The following MAPKAP1 variants were observed in gnomAD, a reference collection of about 807,000 sequenced individuals.
MAPKAP1 encodes target of rapamycin complex 2 subunit MAPKAP1.
MAPKAP1 carries 20 observed loss-of-function variants against 65.7 expected under a neutral mutation model. The observed-to-expected ratio is 0.30, with a 90% CI of 0.21 to 0.44. MAPKAP1 has a LOEUF of 0.44. Ranked by LOEUF, MAPKAP1 falls within the 20% of genes least tolerant of loss-of-function variation. The pLI is 1.00. For missense variants in MAPKAP1, 423 were observed against 648.0 expected, an observed-to-expected ratio of 0.65 and a Z score of 3.77; for synonymous variants, 222 against 244.3, an observed-to-expected ratio of 0.91 and a Z score of 0.85.
chr9:125,544,872 T>C (rs552192), intron 6 of MAPKAP1, among the ~76,000 whole-genome samples: 136,702 of 152,254 alleles, frequency 0.9, 62,139 homozygotes, highest in East Asian at 1. Flanking sequence ...TGGACCCAAC[T>C]AGGTGGCTGA....
At chr9:125,539,253 G>C (rs1288377009) in intron 7 of MAPKAP1, among the ~76,000 whole-genome samples, 1 of 152,172 alleles carries the variant, frequency 6.6e-6, no homozygotes, top group African/African-American at 2.4e-5. Context: ...AGAATCTTCA[G>C]ACTAATAAAA....
intron 7 of MAPKAP1, among the ~76,000 whole-genome samples, chr9:125,530,189 A>G (rs186547039): frequency 1.2e-4 from 19 of 152,308 alleles, no homozygotes; most frequent in Admixed American, 1.0e-3. Context: ...CAGTCTTGGT[A>G]GAGAAGAATT....
chr9:125,639,228 G>A (rs979357936), intron 4 of MAPKAP1, among the ~76,000 whole-genome samples: 2 of 152,110 alleles, frequency 1.3e-5, no homozygotes, highest in African/African-American at 4.8e-5. Context: ...GCAACACAGA[G>A]AGACTCCATC....
intron 5 of MAPKAP1, chr9:125,568,992 G>GT (rs1831147420): frequency 5.7e-6 from 1 of 176,176 alleles, no homozygotes; most frequent in Admixed American, 6.2e-5. Flanking sequence ...CTAGTCTTAA[G>GT]CTGGTGTATT....
chr9:125,513,820 T>C (rs1238153211), intron 7 of MAPKAP1, among the ~76,000 whole-genome samples: 1 of 152,152 alleles, frequency 6.6e-6, no homozygotes, highest in African/African-American at 2.4e-5. Flanking sequence ...AAGTCTGTGC[T>C]CTTTCCCTCG....
chr9:125,651,564 C>T (rs1001926382), intron 4 of MAPKAP1, among the ~76,000 whole-genome samples: 6 of 152,062 alleles, frequency 3.9e-5, no homozygotes, highest in East Asian at 1.9e-4. Context: ...TGAGATGGTG[C>T]GACTGCACTC....
chr9:125,687,920 T>TG (rs773650647), intron 1 of MAPKAP1, among the ~76,000 whole-genome samples: 3 of 152,230 alleles, frequency 2.0e-5, no homozygotes, highest in Non-Finnish European at 2.9e-5. Context: ...ATCAAACTCA[T>TG]TAATTCAACT....
intron 9 of MAPKAP1, among the ~76,000 whole-genome samples, chr9:125,480,936 C>T (rs1344877054): frequency 7.3e-6 from 1 of 136,616 alleles, no homozygotes; most frequent in African/African-American, 2.8e-5. Flanking sequence ...TGCACCACTG[C>T]ACTCCAGCCT....
At chr9:125,465,956 C>G (rs556720540) in intron 10 of MAPKAP1, among the ~76,000 whole-genome samples, 3 of 152,296 alleles carry the variant, frequency 2.0e-5, no homozygotes, top group East Asian at 3.9e-4. Context: ...GCATCGTGTG[C>G]AAGTAGTTAC....
At position 125,522,856 on chromosome 9, in the gene MAPKAP1, T is replaced by C. The variant is rs114595274; in HGVS notation, c.959-16439A>G. On this transcript the variant is annotated intron_variant, in intron 7 of 11. Transcript: ENST00000265960. ...GACCCAAACTAGACTCACTGTTCAG[T>C]GCATATATGTCCTGGTTTCCTACCT... Among the ~76,000 whole-genome samples, 1,120 of 152,324 alleles carry C rather than the reference T, an allele frequency of 7.4e-3. 10 individuals are homozygous for C. The highest frequency in any genetic ancestry group is 0.019 in the African/African-American group (793 of 41,576).
intron 4 of MAPKAP1, among the ~76,000 whole-genome samples, chr9:125,615,120 C>T (rs1832708807): frequency 6.6e-6 from 1 of 151,960 alleles, no homozygotes; most frequent in Non-Finnish European, 1.5e-5. Flanking sequence ...AACCGGAAGA[C>T]ACTATAATTT....
intron 5 of MAPKAP1, among the ~76,000 whole-genome samples, chr9:125,584,241 T>C (rs1831712487): frequency 6.6e-6 from 1 of 152,178 alleles, no homozygotes; most frequent in African/African-American, 2.4e-5. Context: ...GGTGAAAGGC[T>C]TTCTCTGCCA....
chr9:125,449,212 C>G (rs560813523), intron 10 of MAPKAP1, among the ~76,000 whole-genome samples: 4 of 152,222 alleles, frequency 2.6e-5, no homozygotes, highest in African/African-American at 9.6e-5. Flanking sequence ...CCTAGCTCTG[C>G]CATGTTTCAG....
chr9:125,454,268 T>C (rs1331698354), intron 10 of MAPKAP1, among the ~76,000 whole-genome samples: 2 of 152,222 alleles, frequency 1.3e-5, no homozygotes, highest in African/African-American at 2.4e-5. Context: ...CAAGTATTGG[T>C]TGAGGTTTAT....
intron 4 of MAPKAP1, among the ~76,000 whole-genome samples, chr9:125,618,213 G>A (rs369909740): frequency 2.0e-5 from 3 of 151,636 alleles, no homozygotes; most frequent in Middle Eastern, 3.4e-3. Context: ...GTGGTGGCAC[G>A]CACCTGTAGT....
intron 11 of MAPKAP1, among the ~76,000 whole-genome samples, chr9:125,442,747 C>T (rs747270379): frequency 1.3e-5 from 2 of 152,190 alleles, no homozygotes; most frequent in Non-Finnish European, 2.9e-5. Context: ...TGAACCCTCT[C>T]CCTTTCATCC....
At chr9:125,591,554 TGATA>T (rs1174805899) in intron 4 of MAPKAP1, among the ~76,000 whole-genome samples, 2 of 152,218 alleles carry the variant, frequency 1.3e-5, no homozygotes, top group African/African-American at 4.8e-5. Flanking sequence ...GGAATGAATA[TGATA>T]GATACTTATT....
At chr9:125,586,452 T>C (rs1831788233) in intron 4 of MAPKAP1, among the ~76,000 whole-genome samples, 1 of 152,046 alleles carries the variant, frequency 6.6e-6, no homozygotes, top group Non-Finnish European at 1.5e-5. Flanking sequence ...TCACTGAACC[T>C]GCTGTTGAGG....
At chr9:125,618,414 G>C (rs1485412009) in intron 4 of MAPKAP1, among the ~76,000 whole-genome samples, 2 of 148,708 alleles carry the variant, frequency 1.3e-5, no homozygotes, top group Non-Finnish European at 3.0e-5. Flanking sequence ...ACCCATTATG[G>C]GACTACAATG....
Sources: allele counts gnomAD v4.1 joint callset (sites outside exome capture counted in the v4.1 genomes callset), GRCh38; gene constraint gnomAD v4.1.1; transcripts MANE v1.5; gene names NCBI Gene and HGNC (gene_info 2026-07-23, HGNC 2026-07-21).